The following EEF1A2 variants were observed in gnomAD, a reference collection of about 807,000 sequenced individuals.
The protein encoded by EEF1A2 is elongation factor 1-alpha 2.
EEF1A2 carries 5 observed loss-of-function variants against 39.3 expected under a neutral mutation model. The observed-to-expected ratio is 0.13, with a 90% confidence interval of 0.07 to 0.27. The LOEUF (loss-of-function observed/expected upper bound fraction) is 0.27. Among genes scored for constraint, EEF1A2 ranks in the 10% least tolerant of loss-of-function variants. The probability of loss-of-function intolerance (pLI) is 1.00; values close to 1 mark genes in which losing one functional copy is unlikely to be tolerated. For synonymous variants in EEF1A2, 287 were observed against 293.7 expected, an observed-to-expected ratio of 0.98 and a Z score of 0.23; for missense variants, 218 against 681.4, an observed-to-expected ratio of 0.32 and a Z score of 7.57.
chr20:63,497,626 C>T lies in EEF1A2; in HGVS notation c.138G>A (p.Ala46=), dbSNP rs1212477042. The change falls in exon 2 of 8, where the codon GCG becomes GCA. Residue 46 remains alanine (A), a synonymous_variant. Transcript: ENST00000217182. This position sits in a 1 kb window ranked among gnomAD's most constrained non-coding sequence, Gnocchi z 7.3. ...CATAGCCTGGGGAGCTCACCTCAGC[C>T]GCCTCCTTCTCGAACTTCTCAATGG... ...KRTIEKFEKE[A]AEMGKGSFKY... is the part of the protein sequence containing the mutation. 6.8e-6 allele frequency: 11 copies of T among 1,612,094 alleles called. No individual in the cohort carries two copies. The highest frequency in any genetic ancestry group is 2.2e-5 in the South Asian group (2 of 90,944).
intron 5 of EEF1A2, among the ~76,000 whole-genome samples, chr20:63,491,961 GAT>G (rs1170623636): frequency 0.049 from 329 of 6,686 alleles, 3 homozygotes; most frequent in Middle Eastern, 0.38. Context: ...TGGGGAGGTG[GAT>G]GGATGGATGG....
At chr20:63,490,260 T>G in intron 6 of EEF1A2, 1 of 532,966 alleles carries the variant, frequency 1.9e-6, no homozygotes, top group Non-Finnish European at 3.3e-6. Context: ...AGAGACGGGG[T>G]TTCACCATGT....
At chr20:63,494,687 G>A in intron 4 of EEF1A2, 118 bp downstream of exon 4, 1 of 1,363,658 alleles carries the variant, frequency 7.3e-7, no homozygotes, top group Non-Finnish European at 9.8e-7. Context: ...GTTTCGAGGG[G>A]AACCTGCATT....
At position 63,488,337 on chromosome 20, in the gene EEF1A2, G is replaced by T; in HGVS notation, c.1353C>A (p.Val451=). Residue 451 remains valine, a synonymous_variant, in exon 8 of 8, where the codon GTC becomes GTA. Transcript: ENST00000217182. Reference sequence around the variant, plus strand: ...TCTGCGCCTTCTGCGCCGACTTGGTGACCTTGCCGGCGCCGCCGCTCTTCT... The same window carrying T: ...TCTGCGCCTTCTGCGCCGACTTGGTTACCTTGCCGGCGCCGCCGCTCTTCT... ...VEKKSGGAGK[V]TKSAQKAQKA... The T allele has an allele frequency of 1.4e-6, 2 of 1,462,870 alleles. No individual in the cohort carries two copies. The highest frequency in any genetic ancestry group is 2.6e-5 in the South Asian group (2 of 76,868). 90.6% of individuals were successfully genotyped at this position (1,462,870 alleles called of 1,614,324 possible).
intron 5 of EEF1A2, among the ~76,000 whole-genome samples, chr20:63,492,100 GGGGA>G (rs1175254796): frequency 6.6e-5 from 9 of 136,298 alleles, no homozygotes; most frequent in East Asian, 2.3e-4. Context: ...ATGGGTGGAT[GGGGA>G]GATGGATGGA....
intron 5 of EEF1A2, among the ~76,000 whole-genome samples, chr20:63,491,766 G>GTGGATGGA (rs534300652): frequency 1.4e-5 from 2 of 147,260 alleles, no homozygotes; most frequent in African/African-American, 5.0e-5. Flanking sequence ...GGATGGATTG[G>GTGGATGGA]TGGATGGATG....
In EEF1A2 at chr20:63,496,021, G is replaced by A. The variant is rs766656421; in HGVS notation, c.159C>T (p.Ser53=). The A allele has an allele frequency of 1.6e-5, 26 of 1,612,554 alleles. No homozygotes were observed. Among genetic ancestry groups the A allele is most frequent in the Non-Finnish European group, 1.8e-5 (21 of 1,179,922 alleles). Residue 53 remains serine, a synonymous_variant, in exon 3 of 8, where the codon TCC becomes TCT. Transcript: ENST00000217182. The part of the protein sequence containing the change: ...EKEAAEMGKG[S]FKYAWVLDKL... ...TGTCCAGCACCCAGGCATACTTGAA[G>A]GATCCCTTCCCCATCTGGAGCGGGT...
intron 3 of EEF1A2, 114 bp from the exon 4 acceptor site, chr20:63,495,215 GC>G: frequency 7.0e-7 from 1 of 1,419,376 alleles, no homozygotes; most frequent in Non-Finnish European, 9.4e-7. Context: ...GGCCTGAGCA[GC>G]CCACTGGGGC....
rs1427787587 is a variant in EEF1A2 at position 63,497,156 on chromosome 20, T to G, written c.144+464A>C. 1 of 153,394 alleles carries G rather than the reference T, an allele frequency of 6.5e-6. No individual in the cohort carries two copies. The highest frequency in any genetic ancestry group is 1.4e-5 in the Non-Finnish European group (1 of 69,116). The allele number at this position is 153,394 out of a possible 1,614,324, so 9.5% of individuals were successfully genotyped here. The stretch of plus-strand genomic sequence containing the variant: ...CCAGGGCTGCCCTGGACAGCAGCCC[T>G]CCACAGCCCAGCACAAGAAAATGGA... On this transcript the variant is annotated intron_variant, in intron 2 of 7. Transcript: ENST00000217182. This position sits in a 1 kb window ranked among gnomAD's most constrained non-coding sequence, Gnocchi z 7.3.
intron 7 of EEF1A2, 111 bp from the exon 8 acceptor site, chr20:63,488,536 G>A: frequency 1.6e-6 from 2 of 1,287,966 alleles, no homozygotes; most frequent in Non-Finnish European, 1.0e-6. Flanking sequence ...CTCGGAACAC[G>A]CTTAGCGCAG....
intron 4 of EEF1A2, among the ~76,000 whole-genome samples, chr20:63,493,592 C>T (rs368798189): frequency 5.3e-5 from 8 of 152,216 alleles, no homozygotes; most frequent in African/African-American, 1.7e-4. Context: ...TCCCCGAAAC[C>T]CCGGGCCCCT....
At chr20:63,495,763 G>T in intron 3 of EEF1A2, 93 bp downstream of exon 3, 1 of 1,490,896 alleles carries the variant, frequency 6.7e-7, no homozygotes, top group Non-Finnish European at 9.0e-7. Flanking sequence ...AAGCACAGGA[G>T]ACCCTACCAT....
Position 63,489,118 on chromosome 20 carries a change from G to T in EEF1A2, c.1064C>A (p.Ala355Asp). ...GCAGTCGATGACCGGGGAGTAGCCG[G>T]CGCTAATCTGCCCCGGGTGGTTCAG... Reference protein sequence around the residue: ...IILNHPGQISAGYSPVIDCHT... With the variant: ...IILNHPGQISDGYSPVIDCHT... Residue 355 changes from alanine to aspartate, a missense_variant, in exon 7 of 8, where the codon GCC (alanine) becomes GAC (aspartate). Ala to Asp is a moderately radical substitution (Grantham distance 126). Transcript: ENST00000217182. 1 of 1,612,736 alleles carries T rather than the reference G, an allele frequency of 6.2e-7. No individual in the cohort carries two copies. Among genetic ancestry groups the T allele is most frequent in the Non-Finnish European group, 8.5e-7 (1 of 1,179,914 alleles).
intron 2 of EEF1A2, 116 bp from the exon 3 acceptor site, chr20:63,496,151 C>T (rs1162374075): frequency 7.9e-7 from 1 of 1,263,880 alleles, no homozygotes. Flanking sequence ...GGCTCCAGCA[C>T]CCCCTTGCTC....
At chr20:63,496,073 G>GGGACCCA (rs1568997473) in intron 2 of EEF1A2, 38 bp from the exon 3 acceptor site, 11 of 1,607,282 alleles carry the variant, frequency 6.8e-6, no homozygotes, top group Admixed American at 1.7e-5. Flanking sequence ...GGCGGGACCC[G>GGGACCCA]GGACCCAGGA....
At chr20:63,496,266 G>A (rs2082416392) in intron 2 of EEF1A2, 3 of 567,840 alleles carry the variant, frequency 5.3e-6, no homozygotes, top group South Asian at 4.2e-5. Context: ...GCGCGGCTAC[G>A]CAGGTCCACC....
chr20:63,496,273 C>T, intron 2 of EEF1A2: 2 of 559,416 alleles, frequency 3.6e-6, no homozygotes, highest in Non-Finnish European at 6.4e-6. Context: ...TACGCAGGTC[C>T]ACCAGCAGGT....
intron 2 of EEF1A2, chr20:63,496,321 A>G (rs554858304): frequency 7.8e-5 from 37 of 476,024 alleles, no homozygotes; most frequent in South Asian, 6.8e-4. Flanking sequence ...CTACGAGCGA[A>G]GCCGCCAGAT....
At position 63,488,458 on chromosome 20, in the gene EEF1A2, C is replaced by T. The variant is rs551197072; in HGVS notation, c.1265-33G>A. 2.2e-5 allele frequency: 31 copies of T among 1,396,440 alleles called. No homozygotes were observed. In the South Asian group the frequency reaches 2.6e-4, roughly 12 times the overall value. The allele number at this position is 1,396,440 out of a possible 1,614,324, so 86.5% of individuals were successfully genotyped here. ...GCGGGGGGCGGCGTGTGGGCGGGGCCGGAGGACTTGACCCCCCCCAACCCC... is the reference window on the plus strand; with the variant it reads ...GCGGGGGGCGGCGTGTGGGCGGGGCTGGAGGACTTGACCCCCCCCAACCCC... On this transcript the variant is annotated intron_variant, in intron 7 of 7. Coordinates refer to ENST00000217182, the MANE Select transcript of EEF1A2 (RefSeq NM_001958.5).
Sources: gnomAD v4.1 joint callset for allele counts (sites outside exome capture counted in the v4.1 genomes callset) on GRCh38, gnomAD v4.1.1 for gene constraint, Gnocchi (gnomAD v3.1) non-coding constraint, MANE v1.5 for transcripts, NCBI Gene and HGNC (gene_info 2026-07-23, HGNC 2026-07-21) for gene names.